Variants in MCHR2 observed in about 807,000 individuals in gnomAD.
MCHR2 encodes melanin-concentrating hormone receptor 2.
A neutral mutation model predicts 24.8 loss-of-function variants in MCHR2; 15 were observed. The observed-to-expected ratio is 0.60, with a 90% confidence interval of 0.40 to 0.93. The LOEUF is 0.93. Ranked by LOEUF, MCHR2 falls within the 40% of genes least tolerant of loss-of-function variation. The pLI, the probability that MCHR2 is intolerant of heterozygous loss-of-function variation, is 0.00. For missense variants in MCHR2, 386 were observed against 408.7 expected, an observed-to-expected ratio of 0.94 and a Z score of 0.48; for synonymous variants, 151 against 147.6, an observed-to-expected ratio of 1.02 and a Z score of -0.17.
At position 99,919,407 on chromosome 6, in the gene MCHR2, A is replaced by G. The variant is rs1373830264; in HGVS notation, c.*1533T>C. 6.6e-6 allele frequency among the ~76,000 whole-genome samples: 1 copy of G among 152,238 alleles called. No homozygotes were observed. The highest frequency in any genetic ancestry group is 2.4e-5 in the African/African-American group (1 of 41,470). ...TGAAATATAAAAATGGAGATCAGAT[A>G]TAAAAATGGTTAACTCTTTTTCTAG... On this transcript the variant is annotated 3_prime_UTR_variant, in exon 6 of 6. Transcript: ENST00000281806.
intron 3 of MCHR2, 23 bp downstream of exon 3, chr6:99,947,739 A>T: frequency 6.2e-7 from 1 of 1,607,222 alleles, no homozygotes; most frequent in Non-Finnish European, 8.5e-7. Context: ...TTATATTAAG[A>T]TATTTCAAAG....
intron 1 of MCHR2, among the ~76,000 whole-genome samples, chr6:99,975,218 C>T (rs1353758973): frequency 1.3e-5 from 2 of 152,198 alleles, no homozygotes; most frequent in Non-Finnish European, 1.5e-5. Context: ...GTGGTGGGCT[C>T]CACCCAGTTT....
intron 1 of MCHR2, among the ~76,000 whole-genome samples, chr6:99,973,640 A>C (rs2114573938): frequency 6.6e-6 from 1 of 152,314 alleles, no homozygotes; most frequent in East Asian, 1.9e-4. Context: ...TAGTTGATGC[A>C]GTTTCTTCCT....
chr6:99,926,030 T>C (rs1774349055), intron 5 of MCHR2, among the ~76,000 whole-genome samples: 2 of 151,812 alleles, frequency 1.3e-5, no homozygotes, highest in Admixed American at 1.3e-4. Flanking sequence ...TTCCCCTTCC[T>C]GTGTCCATGT....
chr6:99,951,225 C>T (rs953416278), intron 2 of MCHR2, among the ~76,000 whole-genome samples: 2 of 152,126 alleles, frequency 1.3e-5, no homozygotes, highest in Non-Finnish European at 2.9e-5. Flanking sequence ...TCCCATCTGG[C>T]ATTTAACTCT....
At chr6:99,960,411 G>A (rs957792635) in intron 1 of MCHR2, among the ~76,000 whole-genome samples, 1 of 152,066 alleles carries the variant, frequency 6.6e-6, no homozygotes, top group East Asian at 1.9e-4. Flanking sequence ...ACTGCCCAAG[G>A]TAATTTATAG....
chr6:99,993,948 G>C lies in MCHR2; in HGVS notation c.-40C>G, dbSNP rs1353937543. ...CGCGGGACGTCACCTGGGTGCTCGC[G>C]TCCTCCCCGCGCGGCGGACAGCCCG... On this transcript the variant is annotated 5_prime_UTR_variant, in exon 1 of 6. Transcript: ENST00000281806. 1.3e-5 allele frequency: 2 copies of C among 152,106 alleles called. No individual in the cohort carries two copies. Among genetic ancestry groups the C allele is most frequent in the Non-Finnish European group, 2.9e-5 (2 of 68,080 alleles). 9.4% of individuals were successfully genotyped at this position (152,106 alleles called of 1,614,324 possible).
intron 1 of MCHR2, among the ~76,000 whole-genome samples, chr6:99,971,903 G>A (rs950610297): frequency 6.6e-6 from 1 of 152,210 alleles, no homozygotes; most frequent in African/African-American, 2.4e-5. Context: ...GCATCCCAGG[G>A]ATGAAGCCCA....
At chr6:99,934,367 T>C in intron 5 of MCHR2, 31 bp downstream of exon 5, 2 of 1,530,782 alleles carry the variant, frequency 1.3e-6, no homozygotes, top group Non-Finnish European at 1.7e-6. Flanking sequence ...TAAATTGTTC[T>C]TTTAACAAAT....
intron 1 of MCHR2, among the ~76,000 whole-genome samples, chr6:99,986,770 C>T (rs776638506): frequency 2.0e-5 from 3 of 151,290 alleles, no homozygotes; most frequent in Non-Finnish European, 4.4e-5. Context: ...GACTTCACCA[C>T]TATGAAATAT....
At chr6:99,952,925 A>G (rs1774992315) in intron 2 of MCHR2, among the ~76,000 whole-genome samples, 1 of 152,170 alleles carries the variant, frequency 6.6e-6, no homozygotes, top group Admixed American at 6.5e-5. Context: ...ATTATGTATA[A>G]AATGATAATA....
intron 2 of MCHR2, among the ~76,000 whole-genome samples, chr6:99,952,532 T>A (rs548927473): frequency 6.6e-6 from 1 of 151,946 alleles, no homozygotes; most frequent in East Asian, 2.0e-4. Context: ...CTTGTTTAAA[T>A]GTTATTTATT....
intron 1 of MCHR2, among the ~76,000 whole-genome samples, chr6:99,957,585 A>T (rs541297818): frequency 6.6e-6 from 1 of 152,158 alleles, no homozygotes; most frequent in Admixed American, 6.6e-5. Context: ...GGAAGAAAAA[A>T]ATAGGATGTA....
chr6:99,986,566 G>C lies in MCHR2; in HGVS notation c.-28+7370C>G, dbSNP rs1775773647. 2.0e-5 allele frequency among the ~76,000 whole-genome samples: 3 copies of C among 152,190 alleles called. No individual in the cohort carries two copies. The South Asian group carries it at 6.2e-4, about 32-fold the overall frequency. ...GCCATTATTCTAATTGAAATGACTTGAAACAGAAAGTCAAAAACCACATAT... is the reference window on the plus strand; with the variant it reads ...GCCATTATTCTAATTGAAATGACTTCAAACAGAAAGTCAAAAACCACATAT... On this transcript the variant is annotated intron_variant, in intron 1 of 5. Transcript: ENST00000281806.
intron 2 of MCHR2, among the ~76,000 whole-genome samples, chr6:99,949,868 G>A (rs928437400): frequency 6.6e-6 from 1 of 151,660 alleles, no homozygotes; most frequent in East Asian, 1.9e-4. Context: ...AATGGAGAGG[G>A]GACAGGGAAG....
At chr6:99,941,939 T>C (rs181459818) in intron 4 of MCHR2, among the ~76,000 whole-genome samples, 1 of 152,258 alleles carries the variant, frequency 6.6e-6, no homozygotes, top group Admixed American at 6.5e-5. Flanking sequence ...CTTATCTATT[T>C]GACAAGTGAT....
chr6:99,983,470 T>C (rs181807992), intron 1 of MCHR2, among the ~76,000 whole-genome samples: 154 of 152,356 alleles, frequency 1.0e-3, no homozygotes, highest in South Asian at 8.3e-3. Flanking sequence ...ACCTGCCCAC[T>C]ACTGTGAACT....
intron 1 of MCHR2, among the ~76,000 whole-genome samples, chr6:99,984,706 C>T (rs2114593546): frequency 6.6e-6 from 1 of 152,124 alleles, no homozygotes; most frequent in East Asian, 1.9e-4. Context: ...ATATGTCAAA[C>T]CCATAGCCAA....
rs1257005711 is a variant in MCHR2 at position 99,919,634 on chromosome 6, C to T, written c.*1306G>A. 6.6e-6 allele frequency among the ~76,000 whole-genome samples: 1 copy of T among 151,602 alleles called. No homozygotes were observed. Among genetic ancestry groups the T allele is most frequent in the Non-Finnish European group, 1.5e-5 (1 of 67,942 alleles). The stretch of plus-strand genomic sequence containing the variant: ...AGAGGAAAGATAGATATAATGAATA[C>T]CTATGAAAATTTAAGGGCTAATTAC... On this transcript the variant is annotated 3_prime_UTR_variant, in exon 6 of 6. Coordinates refer to ENST00000281806, the MANE Select transcript of MCHR2 (RefSeq NM_001040179.2).
Sources: gnomAD v4.1 joint callset for allele counts (sites outside exome capture counted in the v4.1 genomes callset) on GRCh38, gnomAD v4.1.1 for gene constraint, MANE v1.5 for transcripts, NCBI Gene and HGNC (gene_info 2026-07-23, HGNC 2026-07-21) for gene names.